The following ZMYM2 variants were observed in gnomAD, a reference collection of about 807,000 sequenced individuals.
The protein encoded by ZMYM2 is zinc finger MYM-type containing 2, also known as zinc finger MYM-type protein 2.
Under a neutral mutation model 162.8 loss-of-function variants are expected in ZMYM2, and 56 were observed. The observed-to-expected ratio is 0.34, with a 90% CI of 0.28 to 0.43. The LOEUF (loss-of-function observed/expected upper bound fraction) is 0.43, where lower values mean the gene tolerates loss of function less well. Among genes scored for constraint, ZMYM2 ranks in the 20% least tolerant of loss-of-function variants. ZMYM2 has a pLI of 1.00. For synonymous variants in ZMYM2, 510 were observed against 541.6 expected, an observed-to-expected ratio of 0.94 and a Z score of 0.81; for missense variants, 1,275 against 1,621.8, an observed-to-expected ratio of 0.79 and a Z score of 3.67.
At chr13:19,932,309 T>C in the ZMYM2 span, among the ~76,000 whole-genome samples, 1 of 152,028 alleles carries the variant, frequency 6.6e-6, no homozygotes, top group African/African-American at 2.4e-5. Context: ...TTAGAGGAAG[T>C]CAGGAGGGTG....
upstream of ZMYM2, among the ~76,000 whole-genome samples, chr13:19,955,013 T>C (rs990509920): frequency 6.6e-6 from 1 of 152,032 alleles, no homozygotes; most frequent in African/African-American, 2.4e-5. Flanking sequence ...GGTTTTACCA[T>C]GTTGGCCAGG....
the ZMYM2 span, among the ~76,000 whole-genome samples, chr13:19,932,490 A>C: frequency 4.8e-4 from 73 of 152,254 alleles, no homozygotes; most frequent in African/African-American, 1.7e-3. Flanking sequence ...TCTACTAAAA[A>C]TACAAAAATT....
intron 2 of ZMYM2, among the ~76,000 whole-genome samples, chr13:19,983,916 C>G (rs1374385548): frequency 1.3e-5 from 2 of 152,198 alleles, no homozygotes; most frequent in African/African-American, 4.8e-5. Flanking sequence ...GCGTGAGCCA[C>G]TGTGCCTGGC....
the ZMYM2 span, among the ~76,000 whole-genome samples, chr13:19,886,629 G>C: frequency 6.6e-6 from 1 of 151,406 alleles, no homozygotes; most frequent in Non-Finnish European, 1.5e-5. Context: ...ATTTCACTCA[G>C]GTTTTTTTGT....
At chr13:19,915,511 T>C in the ZMYM2 span, among the ~76,000 whole-genome samples, 1 of 152,056 alleles carries the variant, frequency 6.6e-6, no homozygotes, top group Non-Finnish European at 1.5e-5. Context: ...TACTTTCTTT[T>C]TTCTTTTTTT....
In ZMYM2 at chr13:20,067,247, G is replaced by A. The variant is rs768169340; in HGVS notation, c.3310G>A (p.Val1104Ile). 4 of 1,540,966 alleles carry A rather than the reference G, an allele frequency of 2.6e-6. No individual in the cohort carries two copies. The highest frequency in any genetic ancestry group is 1.2e-5 in the South Asian group (1 of 80,620). The stretch of plus-strand genomic sequence containing the variant: ...ATTTTATGTATTTTTAGCTAAATCA[G>A]TAAAGTTAAAAGAGGATCTACTCTC... ...VLDELKSSKS[V>I]KLKEDLLSHT... is the part of the protein sequence containing the mutation. The change falls in exon 21 of 25, where the codon GTA becomes ATA. Residue 1104 changes from valine (V) to isoleucine (I), a missense_variant. This residue lies in a region of ZMYM2 where 229 missense variants were observed against 283.8 expected (regional missense o/e 0.81). Transcript: ENST00000610343.
the ZMYM2 span, among the ~76,000 whole-genome samples, chr13:19,922,484 G>C: frequency 1.2e-4 from 19 of 152,256 alleles, no homozygotes; most frequent in African/African-American, 4.3e-4. Context: ...ACGTCTCTCT[G>C]GGATTCACAT....
At chr13:20,081,782 T>A (rs1957927592) in intron 21 of ZMYM2, among the ~76,000 whole-genome samples, 1 of 152,140 alleles carries the variant, frequency 6.6e-6, no homozygotes, top group Non-Finnish European at 1.5e-5. Flanking sequence ...AGTTTTTACA[T>A]TCTTGATTCT....
the ZMYM2 span, among the ~76,000 whole-genome samples, chr13:19,913,846 G>A: frequency 4.6e-4 from 70 of 152,246 alleles, 1 homozygote; most frequent in African/African-American, 1.6e-3. Flanking sequence ...CTACTACATC[G>A]CCTTCTCTTT....
chr13:20,086,798 T>A lies in ZMYM2; in HGVS notation c.*784T>A, dbSNP rs552340360. The A allele has an allele frequency of 4.9e-4, 73 of 148,858 alleles. No homozygotes were observed. The highest frequency in any genetic ancestry group is 1.8e-3 in the African/African-American group (68 of 38,790). The allele number at this position is 148,858 out of a possible 1,614,324, so 9.2% of individuals were successfully genotyped here. On this transcript the variant is annotated 3_prime_UTR_variant, in exon 25 of 25. Transcript: ENST00000610343. ...ATATATATATATATATATATATATA[T>A]AAATGATTGTAAGTTGAAAACAAGA...
chr13:19,876,448 G>C, the ZMYM2 span, among the ~76,000 whole-genome samples: 1 of 151,940 alleles, frequency 6.6e-6, no homozygotes, highest in Non-Finnish European at 1.5e-5. Flanking sequence ...TCAACCTCCT[G>C]AGTAGCTGCG....
At chr13:20,042,148 T>C (rs563932509) in intron 12 of ZMYM2, among the ~76,000 whole-genome samples, 2 of 152,216 alleles carry the variant, frequency 1.3e-5, no homozygotes, top group Admixed American at 6.5e-5. Flanking sequence ...TCCAGAAATA[T>C]GTTTTCCAAG....
chr13:19,929,013 C>G, the ZMYM2 span, among the ~76,000 whole-genome samples: 1 of 152,190 alleles, frequency 6.6e-6, no homozygotes, highest in Non-Finnish European at 1.5e-5. Context: ...AAAATTATAT[C>G]CAACTATTGC....
At chr13:19,951,569 G>C in the ZMYM2 span, among the ~76,000 whole-genome samples, 1 of 150,466 alleles carries the variant, frequency 6.6e-6, no homozygotes, top group Admixed American at 6.7e-5. Context: ...GGGGGTCGTG[G>C]TGTGCGCATG....
the ZMYM2 span, among the ~76,000 whole-genome samples, chr13:19,933,679 A>G: frequency 3.8e-4 from 58 of 152,296 alleles, 2 homozygotes; most frequent in South Asian, 0.012. Flanking sequence ...AGATGATCCT[A>G]TGTAGAATTC....
At chr13:19,928,248 C>T in the ZMYM2 span, among the ~76,000 whole-genome samples, 1 of 152,170 alleles carries the variant, frequency 6.6e-6, no homozygotes, top group South Asian at 2.1e-4. Flanking sequence ...TCAAGCGAGC[C>T]TCCCTCAGTC....
At chr13:20,067,675 G>C (rs1956784317) in intron 21 of ZMYM2, among the ~76,000 whole-genome samples, 1 of 152,112 alleles carries the variant, frequency 6.6e-6, no homozygotes, top group South Asian at 2.1e-4. Flanking sequence ...TCTGTAAATA[G>C]GTCTGTTTCA....
rs1164649178 is a variant in ZMYM2, at chr13:20,006,247, AATT to A, written c.1300-126_1300-124del. Reference sequence around the variant, plus strand: ...ACCCTGTCTTTAAAAAAAAAAAAAAAATTTTTTTTTTCCTTTTCTCCAAACAAG... The same window carrying A: ...ACCCTGTCTTTAAAAAAAAAAAAAAATTTTTTTTCCTTTTCTCCAAACAAG... On this transcript the variant is annotated intron_variant, in intron 5 of 24. Transcript: ENST00000610343. 4.9e-4 allele frequency: 405 copies of A among 824,330 alleles called. 6 individuals carry two copies. Among genetic ancestry groups the A allele is most frequent in the Middle Eastern group, 8.0e-4 (2 of 2,510 alleles). 51.1% of individuals were successfully genotyped at this position (824,330 alleles called of 1,614,324 possible). A position where few individuals can be genotyped will look rare whatever the true frequency, so the allele number is the denominator to read the frequency against.
At chr13:19,884,301 C>T in the ZMYM2 span, among the ~76,000 whole-genome samples, 1,839 of 152,218 alleles carry the variant, frequency 0.012, 39 homozygotes, top group African/African-American at 0.04. Context: ...TGGCGGGGTG[C>T]TGTGGCTGCC....
Sources: gnomAD v4.1 joint callset for allele counts (sites outside exome capture counted in the v4.1 genomes callset) on GRCh38, gnomAD v4.1.1 for gene constraint, gnomAD v4.1.1 regional missense constraint, MANE v1.5 for transcripts, NCBI Gene and HGNC (gene_info 2026-07-23, HGNC 2026-07-21) for gene names.